ITIH2: variants seen among roughly 807,000 people sequenced by gnomAD.
The protein encoded by ITIH2 is inter-alpha-trypsin inhibitor heavy chain H2.
A neutral mutation model predicts 104.4 loss-of-function variants in ITIH2; 103 were observed. The ratio of observed to expected loss-of-function variants is 0.99; its 90% CI spans 0.84 to 1.16. The LOEUF is 1.16. Ranked by LOEUF, ITIH2 falls within the 50% of genes most tolerant of loss-of-function variation. The pLI, the probability that ITIH2 is intolerant of heterozygous loss-of-function variation, is 0.00. For missense variants in ITIH2, 1,108 were observed against 1,162.4 expected (o/e 0.95, Z 0.68); for synonymous variants, 436 against 435.4 (o/e 1.00, Z -0.02).
chr10:7,705,053 C>T (rs1410752752), intron 1 of ITIH2, 55 bp from the exon 2 acceptor site: 5 of 1,184,188 alleles, frequency 4.2e-6, no homozygotes, highest in African/African-American at 3.1e-5. Context: ...ACATGTACCC[C>T]AGAACTTACA....
At chr10:7,739,954 G>A (rs1835108258) in intron 16 of ITIH2, among the ~76,000 whole-genome samples, 1 of 152,132 alleles carries the variant, frequency 6.6e-6, no homozygotes, top group Admixed American at 6.5e-5. Context: ...GGGAGGCCGA[G>A]GAGGGCAGAT....
At chr10:7,725,182 TA>T (rs1046577683) in intron 9 of ITIH2, among the ~76,000 whole-genome samples, 1 of 152,156 alleles carries the variant, frequency 6.6e-6, no homozygotes, top group Non-Finnish European at 1.5e-5. Context: ...AAAGTTTTTT[TA>T]AAAAATAAAA....
rs1564305692 is a variant in ITIH2, at chr10:7,737,697, A to AT, written c.1958-923dup. Among the ~76,000 whole-genome samples the AT allele has an allele frequency of 6.7e-4, 28 of 41,636 alleles. 9 individuals are homozygous for AT. Among genetic ancestry groups the AT allele is most frequent in the African/African-American group, 1.2e-3 (8 of 6,804 alleles). 27.3% of individuals were successfully genotyped at this position (41,636 alleles called of 152,430 possible). On this transcript the variant is annotated intron_variant, in intron 15 of 20. Coordinates refer to ENST00000358415, the MANE Select transcript of ITIH2 (RefSeq NM_002216.3). Reference sequence around the variant, plus strand: ...CTATATTTTCTATATTATATTCTATATAATATTCTATATTATATTCTATAT... The same window carrying AT: ...CTATATTTTCTATATTATATTCTATATTAATATTCTATATTATATTCTATAT...
In ITIH2 at chr10:7,737,558, TATA is replaced by T. The variant is rs1289191154; in HGVS notation, c.1958-1059_1958-1057del. On this transcript the variant is annotated intron_variant, in intron 15 of 20. Coordinates refer to ENST00000358415, the MANE Select transcript of ITIH2 (RefSeq NM_002216.3). ...TATATAATATATATTATGTATTCTA[TATA>T]ATATTATATATTAAATTCTATATTC... Among the ~76,000 whole-genome samples the T allele has an allele frequency of 7.1e-4, 95 of 133,256 alleles. 1 individual carries two copies. Among genetic ancestry groups the T allele is most frequent in the East Asian group, 2.7e-3 (12 of 4,494 alleles). 87.4% of individuals were successfully genotyped at this position (133,256 alleles called of 152,430 possible).
chr10:7,705,032 G>T (rs1834732521), intron 1 of ITIH2, 76 bp from the exon 2 acceptor site: 1 of 911,438 alleles, frequency 1.1e-6, no homozygotes, highest in African/African-American at 1.7e-5. Flanking sequence ...TAACAAATCT[G>T]CACGTTGTGC....
At chr10:7,710,004 C>T (rs995889354) in intron 4 of ITIH2, among the ~76,000 whole-genome samples, 7 of 152,186 alleles carry the variant, frequency 4.6e-5, no homozygotes, top group Admixed American at 1.3e-4. Context: ...CAGGCACCCG[C>T]CACCATGCCT....
At chr10:7,707,923 A>G (rs17142907) in intron 3 of ITIH2, among the ~76,000 whole-genome samples, 10,658 of 152,262 alleles carry the variant, frequency 0.07, 391 homozygotes, top group Admixed American at 0.084. Context: ...GTGCCCGTGG[A>G]AAGGAACTTT....
In ITIH2 at chr10:7,721,730, G is replaced by A. The variant is rs750681626; in HGVS notation, c.820G>A (p.Val274Met). Residue 274 changes from valine (V) to methionine (M), a missense_variant, in exon 8 of 21, where the codon GTG becomes ATG. Transcript: ENST00000358415. The part of the protein sequence containing the change: ...CRETAVDGEL[V>M]VLYDVKREEK... ...GGAGACTGCGGTAGATGGGGAACTG[G>A]TGGTGCTGTATGACGTGAAAAGAGA... The A allele has an allele frequency of 1.1e-5, 17 of 1,614,030 alleles. No homozygotes were observed. Among genetic ancestry groups the A allele is most frequent in the Non-Finnish European group, 1.4e-5 (17 of 1,179,948 alleles).
chr10:7,738,573 G>A (rs370200312), intron 15 of ITIH2, 48 bp from the exon 16 acceptor site: 52 of 1,608,362 alleles, frequency 3.2e-5, no homozygotes, highest in African/African-American at 1.9e-4. Flanking sequence ...AGCAATTTCC[G>A]TGGAAACGTA....
chr10:7,725,988 A>G (rs1834948485), intron 9 of ITIH2, among the ~76,000 whole-genome samples: 2 of 152,170 alleles, frequency 1.3e-5, no homozygotes, highest in African/African-American at 2.4e-5. Context: ...ACAATTGAGG[A>G]ATTTGTGTTC....
In ITIH2 at chr10:7,730,003, A is replaced by G. The variant is rs1201450332; in HGVS notation, c.1331A>G (p.Asp444Gly). Reference sequence around the variant, plus strand: ...AAAAACGTTAAGGAGAACATCCAAGACAATATCTCCTTGTTCAGTTTGGGC... The same window carrying G: ...AAAAACGTTAAGGAGAACATCCAAGGCAATATCTCCTTGTTCAGTTTGGGC... ...IQKNVKENIQ[D>G]NISLFSLGMG... Residue 444 changes from aspartate to glycine, a missense_variant, in exon 12 of 21, where the codon GAC (aspartate) becomes GGC (glycine). Transcript: ENST00000358415. The G allele has an allele frequency of 1.9e-6, 3 of 1,613,000 alleles. No individual in the cohort carries two copies. In the African/African-American group the frequency reaches 4.0e-5, roughly 21 times the overall value.
In ITIH2 at chr10:7,740,787, C is replaced by A. The variant is rs1231255008; in HGVS notation, c.2095+2029C>A. 2.0e-5 allele frequency among the ~76,000 whole-genome samples: 3 copies of A among 152,132 alleles called. No individual in the cohort carries two copies. In the East Asian group the frequency reaches 5.8e-4, roughly 29 times the overall value. The stretch of plus-strand genomic sequence containing the variant: ...CACCTCTAAAACGGGGATGATAATA[C>A]CCTCCCTGCAGGGTGGATACAAGTT... On this transcript the variant is annotated intron_variant, in intron 16 of 20. Transcript: ENST00000358415.
At chr10:7,731,125 C>T (rs1029200996) in intron 12 of ITIH2, among the ~76,000 whole-genome samples, 1 of 152,056 alleles carries the variant, frequency 6.6e-6, no homozygotes, top group Non-Finnish European at 1.5e-5. Context: ...ACCATGTTGG[C>T]GAGGCTGGTC....
intron 10 of ITIH2, 47 bp downstream of exon 10, chr10:7,727,165 A>G (rs1354751351): frequency 2.7e-6 from 4 of 1,500,802 alleles, no homozygotes; most frequent in Non-Finnish European, 3.7e-6. Flanking sequence ...CTCTGGGTTC[A>G]AATCATGATT....
chr10:7,710,399 C>T (rs1834786495), intron 4 of ITIH2, among the ~76,000 whole-genome samples: 1 of 152,166 alleles, frequency 6.6e-6, no homozygotes, highest in African/African-American at 2.4e-5. Flanking sequence ...ATTCTCTGTT[C>T]CTCTAAGTGA....
intron 16 of ITIH2, among the ~76,000 whole-genome samples, chr10:7,742,721 G>T (rs1359412402): frequency 1.3e-5 from 2 of 152,172 alleles, no homozygotes; most frequent in Non-Finnish European, 2.9e-5. Context: ...TCCAGCCTGG[G>T]TGACAGAGGG....
intron 15 of ITIH2, among the ~76,000 whole-genome samples, chr10:7,738,281 TA>T (rs1208342214): frequency 8.5e-5 from 11 of 129,624 alleles, no homozygotes; most frequent in African/African-American, 2.9e-4. Context: ...TAATATTATA[TA>T]TTATATTCTA....
At chr10:7,747,512 G>A (rs575673214) in intron 20 of ITIH2, among the ~76,000 whole-genome samples, 6 of 152,256 alleles carry the variant, frequency 3.9e-5, no homozygotes, top group East Asian at 1.9e-4. Context: ...AGGTACCGAC[G>A]GGAATCAGTG....
In ITIH2 at chr10:7,713,217, G is replaced by A. The variant is rs1294852734; in HGVS notation, c.399G>A (p.Lys133=). The part of the protein sequence containing the change: ...VDGKTFRSSI[K]EKTVGRALYA... The stretch of plus-strand genomic sequence containing the variant: ...GCAAGACATTTAGGAGCTCTATTAA[G>A]GAGAAAACTGTGGGCCGAGCTCTTT... The change falls in exon 5 of 21, where the codon AAG becomes AAA. Residue 133 remains lysine, a synonymous_variant. Transcript: ENST00000358415. The A allele has an allele frequency of 1.2e-6, 2 of 1,614,198 alleles. No individual in the cohort carries two copies.
Sources: allele counts gnomAD v4.1 joint callset (sites outside exome capture counted in the v4.1 genomes callset), GRCh38; gene constraint gnomAD v4.1.1; transcripts MANE v1.5; gene names NCBI Gene and HGNC (gene_info 2026-07-23, HGNC 2026-07-21).